Variants in AMPD3 observed in about 807,000 individuals in gnomAD.
AMPD3 encodes adenosine monophosphate deaminase 3.
In AMPD3, 57 loss-of-function variants were observed where a neutral mutation model predicts 82.3. That is an observed-to-expected ratio of 0.69 (90% CI 0.56 to 0.86). The LOEUF is 0.86. Ranked by LOEUF, AMPD3 falls within the 40% of genes least tolerant of loss-of-function variation. The pLI is 0.00. For synonymous variants in AMPD3, 381 were observed against 394.7 expected (o/e 0.97, Z 0.41); for missense variants, 870 against 1,003.8 (o/e 0.87, Z 1.80).
Position 10,495,208 on chromosome 11 carries a change from G to A in AMPD3, c.1266+178G>A, listed in dbSNP as rs866732466. On this transcript the variant is annotated intron_variant, in intron 8 of 14. Transcript: ENST00000396553. ...GGTCTGGCTGCCTGCTCCAGGCAGT[G>A]CTGCATGTGCCAACTGCAGGAAAGA... is the stretch of plus-strand genomic sequence containing the variant. 1.5e-5 allele frequency: 15 copies of A among 985,310 alleles called. No individual in the cohort carries two copies. The African/African-American group carries it at 2.4e-4, about 16-fold the overall frequency. The allele number at this position is 985,310 out of a possible 1,614,324, so 61.0% of individuals were successfully genotyped here. A position where few individuals can be genotyped will look rare whatever the true frequency, so the allele number is the denominator to read the frequency against.
chr11:10,500,415 C>A (rs933749517), intron 11 of AMPD3, among the ~76,000 whole-genome samples, 166 bp downstream of exon 11: 1 of 152,234 alleles, frequency 6.6e-6, no homozygotes, highest in African/African-American at 2.4e-5. Flanking sequence ...ACTTTCCAGC[C>A]TGCTATATGA....
At chr11:10,461,475 C>T in intron 1 of AMPD3, 40 bp from the exon 2 acceptor site, 1 of 1,613,672 alleles carries the variant, frequency 6.2e-7, no homozygotes, top group Non-Finnish European at 8.5e-7. Context: ...GCTGGTGACT[C>T]AGGGCATCCT....
At position 10,456,089 on chromosome 11, in the gene AMPD3, G is replaced by A. The variant is rs1848085216; in HGVS notation, c.-6+641G>A. 1 of 1,239,966 alleles carries A rather than the reference G, an allele frequency of 8.1e-7. No individual in the cohort carries two copies. Among genetic ancestry groups the A allele is most frequent in the Non-Finnish European group, 1.0e-6 (1 of 984,454 alleles). The allele number at this position is 1,239,966 out of a possible 1,614,324, so 76.8% of individuals were successfully genotyped here. ...CTTGTGAGGGCTGTGAAGAGGGCCA[G>A]GACACTGCATTCAGGATACCACAGC... On this transcript the variant is annotated intron_variant, in intron 1 of 14. Transcript: ENST00000396553. This position sits in a 1 kb window ranked among gnomAD's most constrained non-coding sequence, Gnocchi z 4.3.
chr11:10,498,457 G>A (rs533583366), intron 10 of AMPD3: 1 of 152,818 alleles, frequency 6.5e-6, no homozygotes, highest in Admixed American at 6.5e-5. Flanking sequence ...GCTTCAGCTG[G>A]ATAGAGCTCT....
At chr11:10,501,823 A>G (rs1240855916) in intron 12 of AMPD3, 1 of 981,856 alleles carries the variant, frequency 1.0e-6, no homozygotes, top group Non-Finnish European at 1.2e-6. Flanking sequence ...ACATTAATAG[A>G]AATAGCCATT....
chr11:10,451,041 C>T, upstream of AMPD3: 2 of 1,580,726 alleles, frequency 1.3e-6, no homozygotes, highest in Non-Finnish European at 1.7e-6. Context: ...TCGTCCGAAC[C>T]CGGTGAGTGC....
At chr11:10,485,664 G>T (rs1591468743) in intron 5 of AMPD3, among the ~76,000 whole-genome samples, 1 of 152,106 alleles carries the variant, frequency 6.6e-6, no homozygotes, top group African/African-American at 2.4e-5. Flanking sequence ...AGAGTTACCA[G>T]CCCAGAGCAT....
At chr11:10,453,355 C>A (rs1848007686), upstream of AMPD3, among the ~76,000 whole-genome samples, 1 of 152,208 alleles carries the variant, frequency 6.6e-6, no homozygotes, top group African/African-American at 2.4e-5. Flanking sequence ...TTTATGCATT[C>A]ATTCATTCAA....
rs192815158 is a variant in AMPD3 at position 10,498,980 on chromosome 11, G to A, written c.1558-1106G>A. On this transcript the variant is annotated intron_variant, in intron 10 of 14. Transcript: ENST00000396553. ...CAGGGGTCCCAGCCAAGGTAGAACT[G>A]CAGTGGAAGGGTGGGGGTTTCCTGA... 4.7e-4 allele frequency among the ~76,000 whole-genome samples: 72 copies of A among 152,328 alleles called. No individual in the cohort carries two copies. In the East Asian group the frequency reaches 0.013, roughly 28 times the overall value.
intron 13 of AMPD3, chr11:10,504,175 A>G (rs975362655): frequency 1.5e-5 from 15 of 973,316 alleles, no homozygotes; most frequent in African/African-American, 1.8e-5. Flanking sequence ...CTATCTATCT[A>G]TTGCAAACTT....
intron 2 of AMPD3, among the ~76,000 whole-genome samples, chr11:10,467,854 G>A (rs534236123): frequency 1.3e-5 from 2 of 152,308 alleles, no homozygotes; most frequent in Non-Finnish European, 2.9e-5. Flanking sequence ...GAGAGTGGGG[G>A]CCAATATTCA....
intron 1 of AMPD3, among the ~76,000 whole-genome samples, chr11:10,459,196 C>G (rs1457977378): frequency 6.6e-6 from 1 of 152,124 alleles, no homozygotes; most frequent in African/African-American, 2.4e-5. Context: ...CCACCAGCTC[C>G]CTCCCACTCC....
At chr11:10,482,345 T>C in intron 4 of AMPD3, 120 bp downstream of exon 4, 2 of 1,171,658 alleles carry the variant, frequency 1.7e-6, no homozygotes, top group African/African-American at 1.5e-5. Flanking sequence ...TGTTCTTTCA[T>C]TGGCTTCTCC....
chr11:10,478,126 T>C, intron 2 of AMPD3: 1 of 985,444 alleles, frequency 1.0e-6, no homozygotes, highest in Non-Finnish European at 1.2e-6. Flanking sequence ...GTTTGTGTTA[T>C]CTGAAGCCAG....
intron 2 of AMPD3, chr11:10,476,888 A>G (rs1236121825): frequency 1.0e-6 from 1 of 982,634 alleles, no homozygotes; most frequent in African/African-American, 1.8e-5. Flanking sequence ...CCCAGGGCTC[A>G]GGTTGAGTTT....
At position 10,471,852 on chromosome 11, in the gene AMPD3, G is replaced by A. The variant is rs534416188; in HGVS notation, c.222-6674G>A. ...GAATGCTTTTACACTGTTGGTGGGA[G>A]TGTAAATTAGTTCAACCATTGTGGA... On this transcript the variant is annotated intron_variant, in intron 2 of 14. Transcript: ENST00000396553. 2.0e-3 allele frequency among the ~76,000 whole-genome samples: 304 copies of A among 152,352 alleles called. 1 individual carries two copies. The highest frequency in any genetic ancestry group is 6.6e-3 in the African/African-American group (276 of 41,576).
upstream of AMPD3, chr11:10,451,167 G>A: frequency 6.7e-7 from 1 of 1,490,470 alleles, no homozygotes; most frequent in Non-Finnish European, 8.9e-7. Context: ...TCGCAGAGGC[G>A]GTGGCGCTGA....
Position 10,489,288 on chromosome 11 carries a change from C to T in AMPD3, c.939+1924C>T, listed in dbSNP as rs533560929. 1.4e-4 allele frequency among the ~76,000 whole-genome samples: 21 copies of T among 152,308 alleles called. No homozygotes were observed. In the South Asian group the frequency reaches 2.7e-3, roughly 20 times the overall value. On this transcript the variant is annotated intron_variant, in intron 6 of 14. Coordinates refer to ENST00000396553, the MANE Select transcript of AMPD3 (RefSeq NM_001025389.2). ...GTTCAAAGAAACGCCTTGCCCAGCCCGATGCAGCCCTGCCCTGAGCATACG... is the reference window on the plus strand; with the variant it reads ...GTTCAAAGAAACGCCTTGCCCAGCCTGATGCAGCCCTGCCCTGAGCATACG...
intron 5 of AMPD3, 26 bp from the exon 6 acceptor site, chr11:10,487,209 G>C (rs1425123257): frequency 1.2e-6 from 2 of 1,613,676 alleles, no homozygotes; most frequent in Non-Finnish European, 1.7e-6. Flanking sequence ...ACTCAACTAT[G>C]GTCTCTCCCC....
Sources: allele counts gnomAD v4.1 joint callset (sites outside exome capture counted in the v4.1 genomes callset), GRCh38; gene constraint gnomAD v4.1.1; non-coding constraint Gnocchi (gnomAD v3.1); transcripts MANE v1.5; gene names NCBI Gene and HGNC (gene_info 2026-07-23, HGNC 2026-07-21).